Variants in ST3GAL3 observed in about 807,000 individuals in gnomAD.
ST3GAL3 encodes the protein CMP-N-acetylneuraminate-beta-1,4-galactoside alpha-2,3-sialyltransferase.
A neutral mutation model predicts 50.1 loss-of-function variants in ST3GAL3; 21 were observed. The observed-to-expected ratio is 0.42, with a 90% CI of 0.30 to 0.60. ST3GAL3 has a LOEUF of 0.60. Ranked by LOEUF, ST3GAL3 falls within the 20% of genes least tolerant of loss-of-function variation. ST3GAL3 has a pLI of 0.19. For synonymous variants in ST3GAL3, 183 were observed against 190.0 expected (o/e 0.96, Z 0.30); for missense variants, 353 against 489.4 (o/e 0.72, Z 2.63).
intron 5 of ST3GAL3, among the ~76,000 whole-genome samples, chr1:43,880,045 C>G (rs1451718216): frequency 6.6e-6 from 1 of 152,168 alleles, no homozygotes; most frequent in Non-Finnish European, 1.5e-5. Flanking sequence ...CCCAGGGGAG[C>G]ATGAATTGGT....
chr1:43,746,580 A>G (rs1683761109), intron 2 of ST3GAL3, among the ~76,000 whole-genome samples: 1 of 149,600 alleles, frequency 6.7e-6, no homozygotes, highest in Non-Finnish European at 1.5e-5. Flanking sequence ...CTCCTGCCTC[A>G]GCCTCCCGAG....
chr1:43,733,626 T>C (rs1292076079), intron 1 of ST3GAL3, among the ~76,000 whole-genome samples: 2 of 152,240 alleles, frequency 1.3e-5, no homozygotes, highest in East Asian at 3.8e-4. Flanking sequence ...GTTGGTTCGA[T>C]ATCTGGCAAG....
At chr1:43,875,218 A>G (rs528397705) in intron 5 of ST3GAL3, among the ~76,000 whole-genome samples, 2 of 152,320 alleles carry the variant, frequency 1.3e-5, no homozygotes, top group South Asian at 2.1e-4. Flanking sequence ...TGATGATTTC[A>G]GTGTGTTGAG....
At chr1:43,806,119 G>T (rs1021299026) in intron 3 of ST3GAL3, among the ~76,000 whole-genome samples, 2 of 152,152 alleles carry the variant, frequency 1.3e-5, no homozygotes, top group African/African-American at 4.8e-5. Flanking sequence ...GCTTATTCAG[G>T]GAACTGAAAG....
At chr1:43,872,491 G>A (rs986940276) in intron 5 of ST3GAL3, among the ~76,000 whole-genome samples, 1 of 151,942 alleles carries the variant, frequency 6.6e-6, no homozygotes, top group Non-Finnish European at 1.5e-5. Flanking sequence ...AAAACTGGGA[G>A]GGGAGAGAGA....
chr1:43,920,670 T>G, intron 10 of ST3GAL3, 112 bp from the exon 11 acceptor site: 1 of 1,607,106 alleles, frequency 6.2e-7, no homozygotes, highest in East Asian at 2.2e-5. Context: ...GGAAGAGGGC[T>G]CAGTCCTTGG....
intron 5 of ST3GAL3, chr1:43,858,064 T>C (rs2906465): frequency 0.89 from 1,069,073 of 1,195,052 alleles, 479,560 homozygotes; most frequent in African/African-American, 0.97. Flanking sequence ...AACAGGTTTT[T>C]GAAGTGAATA....
At chr1:43,905,785 C>A (rs567637894) in intron 9 of ST3GAL3, among the ~76,000 whole-genome samples, 2 of 131,250 alleles carry the variant, frequency 1.5e-5, no homozygotes, top group African/African-American at 6.1e-5. Context: ...TGCCACTCTT[C>A]CCCTGCCACT....
At chr1:43,870,296 C>T (rs2072364369) in intron 5 of ST3GAL3, among the ~76,000 whole-genome samples, 1 of 152,220 alleles carries the variant, frequency 6.6e-6, no homozygotes, top group Non-Finnish European at 1.5e-5. Context: ...GAAACCCTGC[C>T]AATATGTAAG....
At position 43,838,348 on chromosome 1, in the gene ST3GAL3, C is replaced by A; in HGVS notation, c.302+37C>A. The A allele has an allele frequency of 1.9e-6, 3 of 1,584,970 alleles. No homozygotes were observed. The South Asian group carries it at 3.3e-5, about 18-fold the overall frequency. ...TGTTTCCCTCCACTGCCTAGACAGCCTGGTCTGGGGTCCAAGAGCCAGAAA... is the reference window on the plus strand; with the variant it reads ...TGTTTCCCTCCACTGCCTAGACAGCATGGTCTGGGGTCCAAGAGCCAGAAA... On this transcript the variant is annotated intron_variant, in intron 5 of 11. Coordinates refer to ENST00000347631, the MANE Select transcript of ST3GAL3 (RefSeq NM_006279.5).
chr1:43,823,035 C>T, intron 4 of ST3GAL3, among the ~76,000 whole-genome samples: 1 of 152,150 alleles, frequency 6.6e-6, no homozygotes, highest in East Asian at 1.9e-4. Flanking sequence ...ACCTTATTAG[C>T]TTTACCTTAA....
rs754188870 is a variant in ST3GAL3 at position 43,907,397 on chromosome 1, G to A, written c.744+7670G>A. ...CCATGGGAGAGAAGCTACAGCCAAGGTGGTAACACATGGTGTCACCTTAGT... is the reference window on the plus strand; with the variant it reads ...CCATGGGAGAGAAGCTACAGCCAAGATGGTAACACATGGTGTCACCTTAGT... On this transcript the variant is annotated intron_variant, in intron 9 of 11. Coordinates refer to ENST00000347631, the MANE Select transcript of ST3GAL3 (RefSeq NM_006279.5). 6.9e-4 allele frequency among the ~76,000 whole-genome samples: 105 copies of A among 152,268 alleles called. 1 individual carries two copies. The highest frequency in any genetic ancestry group is 3.9e-4 in the Admixed American group (6 of 15,296).
At chr1:43,789,099 G>A (rs2057722496) in intron 2 of ST3GAL3, among the ~76,000 whole-genome samples, 3 of 152,188 alleles carry the variant, frequency 2.0e-5, no homozygotes, top group Admixed American at 2.0e-4. Context: ...GTCAGAGCTT[G>A]AACTTTATCT....
chr1:43,899,308 A>G lies in ST3GAL3; in HGVS notation c.557+45A>G. 2 of 1,614,010 alleles carry G rather than the reference A, an allele frequency of 1.2e-6. No homozygotes were observed. The highest frequency in any genetic ancestry group is 8.5e-7 in the Non-Finnish European group (1 of 1,180,004). ...ACCTCGGGTGAGTGTCGTGGCCCCA[A>G]CCCTTAGTCCTGAGCCCATTGAGAA... On this transcript the variant is annotated intron_variant, in intron 8 of 11. Coordinates refer to ENST00000347631, the MANE Select transcript of ST3GAL3 (RefSeq NM_006279.5). This position sits in a 1 kb window ranked among gnomAD's most constrained non-coding sequence, Gnocchi z 5.4.
chr1:43,869,722 C>A (rs1476778103), intron 5 of ST3GAL3, among the ~76,000 whole-genome samples: 1 of 152,228 alleles, frequency 6.6e-6, no homozygotes, highest in Non-Finnish European at 1.5e-5. Context: ...AGCTGTCATT[C>A]TGGAGTATTT....
intron 5 of ST3GAL3, chr1:43,879,017 G>A (rs749673226): frequency 1.5e-5 from 7 of 456,224 alleles, no homozygotes; most frequent in African/African-American, 6.0e-5. Flanking sequence ...AGAGTGATAC[G>A]TGCTTACAGA....
At chr1:43,831,174 A>AT (rs1267827451) in intron 4 of ST3GAL3, among the ~76,000 whole-genome samples, 1 of 152,236 alleles carries the variant, frequency 6.6e-6, no homozygotes, top group Non-Finnish European at 1.5e-5. Context: ...CCTTAAGCTG[A>AT]TTACACTTTA....
chr1:43,926,867 C>G (rs2084057833), intron 11 of ST3GAL3, among the ~76,000 whole-genome samples: 2 of 152,156 alleles, frequency 1.3e-5, no homozygotes, highest in African/African-American at 4.8e-5. Flanking sequence ...TGGAAATTGT[C>G]AAGCATATTA....
intron 3 of ST3GAL3, among the ~76,000 whole-genome samples, chr1:43,813,860 GAC>G (rs57947852): frequency 0.025 from 3,603 of 144,550 alleles, 112 homozygotes; most frequent in South Asian, 0.17. Flanking sequence ...TTTTTGGCTA[GAC>G]ACACACACAC....
Sources: allele counts gnomAD v4.1 joint callset (sites outside exome capture counted in the v4.1 genomes callset), GRCh38; gene constraint gnomAD v4.1.1; non-coding constraint Gnocchi (gnomAD v3.1); transcripts MANE v1.5; gene names NCBI Gene and HGNC (gene_info 2026-07-23, HGNC 2026-07-21).